Variants in OR2L13 observed in about 807,000 individuals in gnomAD.
The protein encoded by OR2L13 is olfactory receptor 2L13.
A neutral mutation model predicts 15.3 loss-of-function variants in OR2L13; 14 were observed. The ratio of observed to expected loss-of-function variants is 0.91; its 90% CI spans 0.60 to 1.43. The LOEUF (loss-of-function observed/expected upper bound fraction) is 1.43. Among genes scored for constraint, OR2L13 ranks in the 40% most tolerant of loss-of-function variants. The probability of loss-of-function intolerance (pLI) is 0.00; values close to 1 mark genes in which losing one functional copy is unlikely to be tolerated. For missense variants in OR2L13, 367 were observed against 387.9 expected (o/e 0.95, Z 0.45); for synonymous variants, 152 against 142.9 (o/e 1.06, Z -0.45).
the OR2L13 span, among the ~76,000 whole-genome samples, chr1:248,043,841 T>C: frequency 1.3e-5 from 2 of 152,116 alleles, no homozygotes; most frequent in Non-Finnish European, 2.9e-5. Flanking sequence ...AAAAAGAGCA[T>C]GGGGAGATGT....
chr1:247,956,840 T>A, the OR2L13 span, among the ~76,000 whole-genome samples: 1 of 152,202 alleles, frequency 6.6e-6, no homozygotes, highest in Non-Finnish European at 1.5e-5. Flanking sequence ...TAAGGAGATT[T>A]TGGGCTGAGA....
upstream of OR2L13, among the ~76,000 whole-genome samples, chr1:248,090,769 T>C (rs1207292191): frequency 3.3e-5 from 5 of 152,204 alleles, no homozygotes; most frequent in Non-Finnish European, 5.9e-5. Flanking sequence ...TACTTTATTG[T>C]AGAACAATGT....
At chr1:247,966,246 C>T in the OR2L13 span, 6 of 1,612,910 alleles carry the variant, frequency 3.7e-6, no homozygotes, top group Non-Finnish European at 5.1e-6. Flanking sequence ...CATTTATCTA[C>T]AGCCTGAGAA....
At chr1:248,038,660 T>C in the OR2L13 span, 338 of 1,614,006 alleles carry the variant, frequency 2.1e-4, no homozygotes, top group Non-Finnish European at 2.7e-4. Flanking sequence ...CTCTCCACTA[T>C]CCCATCCGTA....
the OR2L13 span, among the ~76,000 whole-genome samples, chr1:247,957,199 A>C: frequency 6.6e-6 from 1 of 152,198 alleles, no homozygotes; most frequent in Non-Finnish European, 1.5e-5. Flanking sequence ...CTATTGAGAT[A>C]ATCATAGGTT....
chr1:248,003,133 G>T, the OR2L13 span: 1 of 1,309,390 alleles, frequency 7.6e-7, no homozygotes, highest in South Asian at 1.2e-5. Context: ...AATGCCCCAT[G>T]GAAAATTGCA....
chr1:248,090,074 AG>A, the OR2L13 span, among the ~76,000 whole-genome samples: 1 of 152,146 alleles, frequency 6.6e-6, no homozygotes, highest in Non-Finnish European at 1.5e-5. Context: ...CAGAGAGTTC[AG>A]GTCTTAAGCA....
At chr1:248,012,414 C>T in the OR2L13 span, among the ~76,000 whole-genome samples, 2 of 152,074 alleles carry the variant, frequency 1.3e-5, no homozygotes, top group Non-Finnish European at 2.9e-5. Context: ...TTACAGGATC[C>T]CAGTGGGCAG....
chr1:248,064,319 A>G, the OR2L13 span, among the ~76,000 whole-genome samples: 19,234 of 152,034 alleles, frequency 0.13, 4,053 homozygotes, highest in African/African-American at 0.44. Flanking sequence ...TGAGGTTACA[A>G]CAGATGGTGC....
chr1:248,070,974 G>A, the OR2L13 span, among the ~76,000 whole-genome samples: 72 of 152,200 alleles, frequency 4.7e-4, 1 homozygote, highest in African/African-American at 1.6e-3. Flanking sequence ...TGAAATTGTG[G>A]CAATAATCAA....
chr1:247,991,525 T>A, the OR2L13 span, among the ~76,000 whole-genome samples: 2 of 149,256 alleles, frequency 1.3e-5, no homozygotes, highest in African/African-American at 5.0e-5. Flanking sequence ...AGTTTCCCTA[T>A]AAGAGGTTCT....
At chr1:248,041,000 TTCTTC>T in the OR2L13 span, 1 of 152,214 alleles carries the variant, frequency 6.6e-6, no homozygotes, top group Non-Finnish European at 1.5e-5. Flanking sequence ...GTTTATGACT[TTCTTC>T]TCCTCTAATT....
the OR2L13 span, chr1:248,003,750 T>C: frequency 6.2e-7 from 1 of 1,613,930 alleles, no homozygotes. Flanking sequence ...ATCTTTCTCG[T>C]GTTTCCCTTC....
chr1:248,055,603 A>G, the OR2L13 span, among the ~76,000 whole-genome samples: 3 of 152,122 alleles, frequency 2.0e-5, no homozygotes, highest in African/African-American at 7.2e-5. Context: ...TAAAAATACA[A>G]AAAATTAGCC....
chr1:248,091,918 C>A (rs1210605427), upstream of OR2L13, among the ~76,000 whole-genome samples: 1 of 152,142 alleles, frequency 6.6e-6, no homozygotes, highest in African/African-American at 2.4e-5. Flanking sequence ...TTCTTCCTAT[C>A]CATGAACATG....
chr1:247,937,836 TAC>T, the OR2L13 span, among the ~76,000 whole-genome samples: 1 of 152,252 alleles, frequency 6.6e-6, no homozygotes, highest in Non-Finnish European at 1.5e-5. Context: ...AAATGTTTTA[TAC>T]TATAGAAATA....
At chr1:248,003,278 T>C in the OR2L13 span, 15 of 1,574,178 alleles carry the variant, frequency 9.5e-6, no homozygotes, top group South Asian at 1.1e-5. Flanking sequence ...TCTCATCTTC[T>C]TGGACACTCA....
the OR2L13 span, chr1:248,038,913 T>G: frequency 6.2e-7 from 1 of 1,614,134 alleles, no homozygotes; most frequent in Non-Finnish European, 8.5e-7. Context: ...TATTGCATGT[T>G]CCTATGGCCG....
the OR2L13 span, among the ~76,000 whole-genome samples, chr1:248,067,371 A>G: frequency 2.0e-5 from 3 of 152,194 alleles, no homozygotes; most frequent in Non-Finnish European, 4.4e-5. Context: ...GCTGAGTTTA[A>G]TTGTTCCTAG....
Sources: gnomAD v4.1 joint callset for allele counts (sites outside exome capture counted in the v4.1 genomes callset) on GRCh38, gnomAD v4.1.1 for gene constraint, MANE v1.5 for transcripts, NCBI Gene and HGNC (gene_info 2026-07-23, HGNC 2026-07-21) for gene names.